Variants in NRXN1 observed in about 807,000 individuals in gnomAD.
NRXN1 encodes the protein neurexin-1.
In NRXN1, 39 loss-of-function variants were observed where a neutral mutation model predicts 150.9. The observed-to-expected ratio is 0.26, with a 90% CI of 0.20 to 0.34. NRXN1 has a LOEUF of 0.34. NRXN1 is among the 10% of genes least tolerant of loss of function. NRXN1 has a pLI of 1.00. For missense variants in NRXN1, 1,815 were observed against 1,949.9 expected (o/e 0.93, Z 1.30); for synonymous variants, 924 against 757.0 (o/e 1.22, Z -3.62).
Position 49,973,560 on chromosome 2 carries a change from C to T in NRXN1, c.4129-29769G>A, listed in dbSNP as rs1421595. 6.2e-3 allele frequency among the ~76,000 whole-genome samples: 948 copies of T among 152,064 alleles called. 5 individuals carry two copies. Among genetic ancestry groups the T allele is most frequent in the African/African-American group, 0.022 (901 of 41,462 alleles). On this transcript the variant is annotated intron_variant, in intron 21 of 22. Transcript: ENST00000401669. The stretch of plus-strand genomic sequence containing the variant: ...AAAGCAGTCTGGCAAGTACTGAAAG[C>T]AGCTTTTATTCATGCTTTTACTTGA...
At chr2:50,720,381 T>C (rs1308498699) in intron 5 of NRXN1, among the ~76,000 whole-genome samples, 4 of 152,124 alleles carry the variant, frequency 2.6e-5, no homozygotes. Flanking sequence ...TCGCGCTGCA[T>C]CTTCCAGTTA....
intron 17 of NRXN1, among the ~76,000 whole-genome samples, chr2:50,380,701 A>G (rs1389899513): frequency 1.3e-5 from 2 of 152,142 alleles, no homozygotes; most frequent in East Asian, 1.9e-4. Flanking sequence ...ATAGCAATTT[A>G]TAACTACAAT....
chr2:50,625,400 C>A (rs1321953301), intron 5 of NRXN1, among the ~76,000 whole-genome samples: 1 of 152,012 alleles, frequency 6.6e-6, no homozygotes, highest in Non-Finnish European at 1.5e-5. Context: ...TCAGTCAGAC[C>A]AAATAATTCT....
intron 14 of NRXN1, 90 bp downstream of exon 14, chr2:50,497,243 C>A (rs553401190): frequency 4.1e-6 from 4 of 984,612 alleles, no homozygotes; most frequent in Admixed American, 2.7e-5. Flanking sequence ...CCTTATGAGC[C>A]AGTATGTTCT....
At chr2:50,847,906 A>G (rs972604972) in intron 5 of NRXN1, among the ~76,000 whole-genome samples, 1 of 152,132 alleles carries the variant, frequency 6.6e-6, no homozygotes, top group African/African-American at 2.4e-5. Flanking sequence ...TGGCTCAGCC[A>G]TCAGCTGAGA....
At chr2:50,040,749 G>C (rs935838046) in intron 21 of NRXN1, among the ~76,000 whole-genome samples, 2 of 152,070 alleles carry the variant, frequency 1.3e-5, no homozygotes, top group African/African-American at 4.8e-5. Context: ...TGAATTCTGG[G>C]AGTAATCTGT....
At chr2:50,202,916 T>A (rs2062287415) in intron 18 of NRXN1, among the ~76,000 whole-genome samples, 1 of 152,118 alleles carries the variant, frequency 6.6e-6, no homozygotes, top group Non-Finnish European at 1.5e-5. Flanking sequence ...AACTTGGGAT[T>A]GTACTGGAAA....
intron 2 of NRXN1, among the ~76,000 whole-genome samples, chr2:50,979,933 A>G (rs769533460): frequency 6.6e-6 from 1 of 152,146 alleles, no homozygotes; most frequent in Non-Finnish European, 1.5e-5. Context: ...GAAGCCAACT[A>G]TTTGGAGTAA....
chr2:50,299,984 A>T (rs113749882), intron 17 of NRXN1, among the ~76,000 whole-genome samples: 1 of 152,206 alleles, frequency 6.6e-6, no homozygotes, highest in Non-Finnish European at 1.5e-5. Context: ...AACAGAGCCT[A>T]TCAAATGGGC....
intron 17 of NRXN1, among the ~76,000 whole-genome samples, chr2:50,379,982 C>A (rs546085945): frequency 6.6e-6 from 1 of 151,872 alleles, no homozygotes; most frequent in Non-Finnish European, 1.5e-5. Flanking sequence ...TTTATAAAAA[C>A]CTTAAAGAAA....
chr2:49,924,113 T>C (rs1353126395), intron 22 of NRXN1, among the ~76,000 whole-genome samples: 1 of 152,224 alleles, frequency 6.6e-6, no homozygotes, highest in East Asian at 1.9e-4. Flanking sequence ...AGTGTGCCAA[T>C]TAACTCAGCT....
chr2:50,370,115 G>C (rs2079907410), intron 17 of NRXN1, among the ~76,000 whole-genome samples: 1 of 151,832 alleles, frequency 6.6e-6, no homozygotes, highest in Non-Finnish European at 1.5e-5. Flanking sequence ...AATTTTGTTG[G>C]CATGATTTTA....
At chr2:50,539,384 C>G (rs1024930794) in intron 9 of NRXN1, among the ~76,000 whole-genome samples, 1 of 152,062 alleles carries the variant, frequency 6.6e-6, no homozygotes, top group African/African-American at 2.4e-5. Context: ...ACAAGGCTTT[C>G]TTTTTCTCAC....
chr2:50,678,135 G>A (rs1028040205), intron 5 of NRXN1, among the ~76,000 whole-genome samples: 2 of 151,936 alleles, frequency 1.3e-5, no homozygotes, highest in African/African-American at 4.8e-5. Flanking sequence ...TTTCTTTTCT[G>A]CCCAATGCGT....
At chr2:50,005,539 G>A (rs1684622586) in intron 21 of NRXN1, among the ~76,000 whole-genome samples, 1 of 152,246 alleles carries the variant, frequency 6.6e-6, no homozygotes, top group South Asian at 2.1e-4. Context: ...ACTGTGGAAT[G>A]TATCATCTAC....
chr2:50,098,592 C>A (rs181366216), intron 18 of NRXN1, among the ~76,000 whole-genome samples: 113 of 152,288 alleles, frequency 7.4e-4, no homozygotes, highest in Non-Finnish European at 1.4e-3. Flanking sequence ...CTAAAACTCC[C>A]AGCAGACCTG....
chr2:50,674,432 A>G (rs1689280577), intron 5 of NRXN1, among the ~76,000 whole-genome samples: 1 of 152,106 alleles, frequency 6.6e-6, no homozygotes, highest in Non-Finnish European at 1.5e-5. Flanking sequence ...CTCTCCATTC[A>G]TTCTTAGGCC....
chr2:50,421,077 AC>A (rs2083956742), intron 17 of NRXN1, among the ~76,000 whole-genome samples: 1 of 149,902 alleles, frequency 6.7e-6, no homozygotes, highest in Non-Finnish European at 1.5e-5. Context: ...CTTGCAATGG[AC>A]CCCTGTTATT....
intron 5 of NRXN1, among the ~76,000 whole-genome samples, chr2:50,754,473 T>C (rs1001618543): frequency 6.6e-6 from 1 of 151,876 alleles, no homozygotes; most frequent in Non-Finnish European, 1.5e-5. Context: ...ATACAAAATA[T>C]TACGGAATGT....
Sources: allele counts gnomAD v4.1 joint callset (sites outside exome capture counted in the v4.1 genomes callset), GRCh38; gene constraint gnomAD v4.1.1; transcripts MANE v1.5; gene names NCBI Gene and HGNC (gene_info 2026-07-23, HGNC 2026-07-21).